The following MITF variants were observed in gnomAD, a reference collection of about 807,000 sequenced individuals.
MITF encodes microphthalmia-associated transcription factor.
MITF carries 17 observed loss-of-function variants against 60.5 expected under a neutral mutation model. The observed-to-expected ratio is 0.28, with a 90% CI of 0.19 to 0.42. The LOEUF (loss-of-function observed/expected upper bound fraction) is 0.42. MITF is among the 10% of genes least tolerant of loss of function. The pLI, the probability that MITF is intolerant of heterozygous loss-of-function variation, is 1.00. For synonymous variants in MITF, 260 were observed against 248.5 expected, an observed-to-expected ratio of 1.05 and a Z score of -0.43; for missense variants, 622 against 683.5, an observed-to-expected ratio of 0.91 and a Z score of 1.00.
intron 2 of MITF, among the ~76,000 whole-genome samples, chr3:69,926,518 C>A (rs1223113446): frequency 2.0e-5 from 3 of 152,126 alleles, no homozygotes; most frequent in African/African-American, 7.2e-5. Context: ...CTGTAATCAT[C>A]TCTAATACCC....
intron 1 of MITF, among the ~76,000 whole-genome samples, chr3:69,767,401 T>A (rs1305058190): frequency 6.6e-6 from 1 of 151,950 alleles, no homozygotes; most frequent in Non-Finnish European, 1.5e-5. Flanking sequence ...CTGACCAACA[T>A]GATAAAACTG....
At chr3:69,822,115 AT>A (rs1402371445) in intron 1 of MITF, among the ~76,000 whole-genome samples, 1 of 152,154 alleles carries the variant, frequency 6.6e-6, no homozygotes, top group Non-Finnish European at 1.5e-5. Flanking sequence ...TATAGATGAT[AT>A]TTTACAACAA....
chr3:69,916,718 A>G (rs2065342783), intron 2 of MITF, among the ~76,000 whole-genome samples: 1 of 152,194 alleles, frequency 6.6e-6, no homozygotes. Context: ...TGACTGTCAT[A>G]TGACTGTTAA....
At chr3:69,796,131 G>T (rs1056114927) in intron 1 of MITF, among the ~76,000 whole-genome samples, 1 of 152,090 alleles carries the variant, frequency 6.6e-6, no homozygotes, top group African/African-American at 2.4e-5. Context: ...ACAGGCATGT[G>T]CCACCACACC....
At chr3:69,908,715 C>G (rs1575936549) in intron 2 of MITF, among the ~76,000 whole-genome samples, 1 of 152,108 alleles carries the variant, frequency 6.6e-6, no homozygotes, top group South Asian at 2.1e-4. Context: ...GCATCAGAAG[C>G]TTCAGTGGTT....
At chr3:69,767,434 A>C (rs1333220761) in intron 1 of MITF, among the ~76,000 whole-genome samples, 1 of 151,914 alleles carries the variant, frequency 6.6e-6, no homozygotes. Flanking sequence ...AAATACAAAA[A>C]ATTAGCTAGG....
intron 2 of MITF, among the ~76,000 whole-genome samples, chr3:69,921,939 G>A (rs1026945107): frequency 3.3e-5 from 5 of 152,266 alleles, no homozygotes; most frequent in Admixed American, 1.3e-4. Context: ...CTGGATGCCG[G>A]TAGTAGCACC....
intron 2 of MITF, among the ~76,000 whole-genome samples, chr3:69,929,826 G>T (rs906104408): frequency 1.3e-5 from 2 of 151,956 alleles, no homozygotes; most frequent in African/African-American, 4.8e-5. Flanking sequence ...TGGATCAGAT[G>T]GTAACAGTGG....
intron 2 of MITF, among the ~76,000 whole-genome samples, chr3:69,932,928 A>G (rs2065754545): frequency 6.6e-6 from 1 of 152,198 alleles, no homozygotes; most frequent in African/African-American, 2.4e-5. Flanking sequence ...TTAAAGGGTA[A>G]TCCCTTTAGT....
intron 1 of MITF, among the ~76,000 whole-genome samples, chr3:69,873,632 T>C (rs571835217): frequency 4.6e-4 from 70 of 152,302 alleles, no homozygotes; most frequent in Middle Eastern, 3.4e-3. Flanking sequence ...TCCAACATGT[T>C]GCATTCAGTA....
At chr3:69,771,089 T>A (rs1182044640) in intron 1 of MITF, among the ~76,000 whole-genome samples, 1 of 152,176 alleles carries the variant, frequency 6.6e-6, no homozygotes, top group East Asian at 1.9e-4. Flanking sequence ...AACTTGATTT[T>A]ATGTAGGTGG....
chr3:69,814,481 A>T (rs1014607910), intron 1 of MITF, among the ~76,000 whole-genome samples: 3 of 152,008 alleles, frequency 2.0e-5, no homozygotes, highest in African/African-American at 7.3e-5. Context: ...GATGCCCACC[A>T]TTATGCCTGG....
intron 1 of MITF, 68 bp downstream of exon 1, chr3:69,739,769 C>A: frequency 1.7e-6 from 2 of 1,202,150 alleles, no homozygotes; most frequent in Non-Finnish European, 2.4e-6. Context: ...CACTCTGGGG[C>A]GAGGAGAGCG....
At chr3:69,774,854 A>G (rs550219622) in intron 1 of MITF, among the ~76,000 whole-genome samples, 3 of 152,306 alleles carry the variant, frequency 2.0e-5, no homozygotes, top group South Asian at 4.1e-4. Flanking sequence ...GCAAATGACC[A>G]TACCAATGAG....
chr3:69,745,063 C>T (rs1703671294), intron 1 of MITF, among the ~76,000 whole-genome samples: 1 of 151,972 alleles, frequency 6.6e-6, no homozygotes, highest in African/African-American at 2.4e-5. Context: ...TAAATAAAAA[C>T]AATAATGATA....
At chr3:69,928,548 T>C (rs1467917490) in intron 2 of MITF, among the ~76,000 whole-genome samples, 7 of 152,182 alleles carry the variant, frequency 4.6e-5, no homozygotes, top group African/African-American at 7.2e-5. Context: ...AAGTAAGTGC[T>C]CATTGAAAGG....
intron 2 of MITF, among the ~76,000 whole-genome samples, chr3:69,932,934 T>C (rs2065755107): frequency 6.6e-6 from 1 of 152,190 alleles, no homozygotes; most frequent in South Asian, 2.1e-4. Context: ...GGTAATCCCT[T>C]TAGTTTTCTT....
At chr3:69,845,690 C>G (rs1559669783) in intron 1 of MITF, among the ~76,000 whole-genome samples, 2 of 152,140 alleles carry the variant, frequency 1.3e-5, no homozygotes, top group African/African-American at 4.8e-5. Flanking sequence ...CTTACCTCCC[C>G]CATTGCCTCC....
chr3:69,786,137 G>A (rs1234017703), intron 1 of MITF, among the ~76,000 whole-genome samples: 1 of 152,202 alleles, frequency 6.6e-6, no homozygotes, highest in Non-Finnish European at 1.5e-5. Flanking sequence ...TTCTAAGGTG[G>A]AGTGAGCTTT....
Sources: gnomAD v4.1 joint callset for allele counts (sites outside exome capture counted in the v4.1 genomes callset) on GRCh38, gnomAD v4.1.1 for gene constraint, MANE v1.5 for transcripts, NCBI Gene and HGNC (gene_info 2026-07-23, HGNC 2026-07-21) for gene names.